The following CCDC82 variants were observed in gnomAD, a reference collection of about 807,000 sequenced individuals.
CCDC82 encodes the protein coiled-coil domain-containing protein 82.
Under a neutral mutation model 60.6 loss-of-function variants are expected in CCDC82, and 47 were observed. That is an observed-to-expected ratio of 0.77 (90% CI 0.61 to 0.99). The LOEUF (loss-of-function observed/expected upper bound fraction) is 0.99, where lower values mean the gene tolerates loss of function less well. CCDC82 is among the 50% of genes least tolerant of loss of function. CCDC82 has a pLI of 0.00. For synonymous variants in CCDC82, 212 were observed against 207.4 expected (o/e 1.02, Z -0.19); for missense variants, 588 against 633.0 (o/e 0.93, Z 0.76).
chr11:96,372,144 T>C (rs1049516573), intron 6 of CCDC82, among the ~76,000 whole-genome samples: 8 of 152,226 alleles, frequency 5.3e-5, no homozygotes, highest in African/African-American at 1.9e-4. Context: ...ACACCAAACT[T>C]ACTCTTTCCT....
In CCDC82 at chr11:96,383,984, C is replaced by A. The variant is rs372213966; in HGVS notation, c.764G>T (p.Arg255Leu). Residue 255 changes from arginine (R) to leucine (L), a missense_variant, in exon 4 of 10, where the codon CGC (arginine) becomes CTC (leucine). By Grantham distance (102) the Arg-to-Leu change is moderately radical. Transcript: ENST00000646818. Reference protein sequence around the residue: ...ELSKQRSRQRRSSGRDFEDSE... With the variant: ...ELSKQRSRQRLSSGRDFEDSE... Reference sequence around the variant, plus strand: ...CACCTCAAAATCTCTACCACTACTGCGTCTCTGACGAGATCTTTGTTTTGA... The same window carrying A: ...CACCTCAAAATCTCTACCACTACTGAGTCTCTGACGAGATCTTTGTTTTGA... 3.7e-6 allele frequency: 6 copies of A among 1,612,060 alleles called. No homozygotes were observed. In the African/African-American group the frequency reaches 5.4e-5, roughly 14 times the overall value.
Position 96,358,559 on chromosome 11 carries a change from C to T in CCDC82, c.1566+434G>A, listed in dbSNP as rs192013945. On this transcript the variant is annotated intron_variant, in intron 9 of 9. Coordinates refer to ENST00000646818, the MANE Select transcript of CCDC82 (RefSeq NM_024725.4). ...ATGTGGGTGTATTAGAACTGGCAGC[C>T]GAGATCCTTTCCTCAGACTGGCACC... 5,586 of 1,235,174 alleles carry T rather than the reference C, an allele frequency of 4.5e-3. 24 individuals carry two copies. Among genetic ancestry groups the T allele is most frequent in the Non-Finnish European group, 4.6e-3 (4,592 of 990,958 alleles). The allele number at this position is 1,235,174 out of a possible 1,614,324, so 76.5% of individuals were successfully genotyped here.
chr11:96,358,340 G>A, intron 9 of CCDC82: 1 of 1,211,096 alleles, frequency 8.3e-7, no homozygotes, highest in Non-Finnish European at 1.0e-6. Flanking sequence ...GAGCAGACCA[G>A]AGCTTGTAAG....
Position 96,353,572 on chromosome 11 carries a change from C to T in CCDC82, c.*74G>A, listed in dbSNP as rs114844139. ...ATAGATAAAATGTACAAACATGTCACATGATACAGAAAAACAAGAATCATG... is the reference window on the plus strand; with the variant it reads ...ATAGATAAAATGTACAAACATGTCATATGATACAGAAAAACAAGAATCATG... On this transcript the variant is annotated 3_prime_UTR_variant, in exon 10 of 10. Coordinates refer to ENST00000646818, the MANE Select transcript of CCDC82 (RefSeq NM_024725.4). 1.0e-3 allele frequency: 1,131 copies of T among 1,113,946 alleles called. 7 individuals carry two copies. The African/African-American group carries it at 0.016, about 16-fold the overall frequency. The allele number at this position is 1,113,946 out of a possible 1,614,324, so 69.0% of individuals were successfully genotyped here.
At chr11:96,381,039 T>C (rs1181524845) in intron 5 of CCDC82, 1 of 151,694 alleles carries the variant, frequency 6.6e-6, no homozygotes, top group South Asian at 2.1e-4. Flanking sequence ...GGAAACTGTG[T>C]ACGTGAGGAA....
intron 7 of CCDC82, among the ~76,000 whole-genome samples, chr11:96,368,003 T>C (rs1283123648): frequency 6.6e-6 from 1 of 151,988 alleles, no homozygotes; most frequent in Non-Finnish European, 1.5e-5. Flanking sequence ...GTATGTTTAG[T>C]AGATACGGGG....
intron 5 of CCDC82, chr11:96,381,183 T>C (rs1284342864): frequency 6.6e-6 from 1 of 151,550 alleles, no homozygotes; most frequent in Non-Finnish European, 1.5e-5. Flanking sequence ...TTGGCAGGAG[T>C]TGATATGAGT....
chr11:96,379,466 A>G (rs565950381), intron 5 of CCDC82, among the ~76,000 whole-genome samples: 13 of 147,516 alleles, frequency 8.8e-5, no homozygotes, highest in African/African-American at 3.5e-4. Context: ...ATAGGAACTT[A>G]ACAATGAGTT....
At position 96,384,150 on chromosome 11, in the gene CCDC82, T is replaced by G. The variant is rs781564254; in HGVS notation, c.598A>C (p.Ile200Leu). 6.2e-7 allele frequency: 1 copy of G among 1,613,876 alleles called. No homozygotes were observed. The highest frequency in any genetic ancestry group is 8.5e-7 in the Non-Finnish European group (1 of 1,179,824). Reference protein sequence around the residue: ...CDSDESDDSDILVRKVGVKRP... With the variant: ...CDSDESDDSDLLVRKVGVKRP... ...TTAACACCTACTTTTCTAACTAGGA[T>G]ATCGCTGTCATCACTCTCATCACTG... The change falls in exon 4 of 10, where the codon ATC becomes CTC. Residue 200 changes from isoleucine (I) to leucine (L), a missense_variant. Coordinates refer to ENST00000646818, the MANE Select transcript of CCDC82 (RefSeq NM_024725.4).
chr11:96,358,765 G>A (rs765840025), intron 9 of CCDC82: 243 of 906,120 alleles, frequency 2.7e-4, no homozygotes, highest in Non-Finnish European at 3.6e-4. Context: ...CAGTGTTAAT[G>A]CTTATTAAAA....
Position 96,383,766 on chromosome 11 carries a change from A to C in CCDC82, c.786+196T>G, listed in dbSNP as rs1359650002. 3.9e-5 allele frequency among the ~76,000 whole-genome samples: 6 copies of C among 152,154 alleles called. No individual in the cohort carries two copies. The South Asian group carries it at 1.2e-3, about 32-fold the overall frequency. On this transcript the variant is annotated intron_variant, in intron 4 of 9. Transcript: ENST00000646818. ...AACAAATAGTCTTTCAATTTTAAAA[A>C]AGGATGGACTGAGGCTCATGATAAA...
intron 4 of CCDC82, 72 bp downstream of exon 4, chr11:96,383,890 T>A (rs1866020208): frequency 2.1e-6 from 3 of 1,403,058 alleles, no homozygotes; most frequent in South Asian, 1.4e-5. Flanking sequence ...GACTCAGCAC[T>A]TTTTTATAAA....
Position 96,384,145 on chromosome 11 carries a change from T to C in CCDC82, c.603A>G (p.Leu201=), listed in dbSNP as rs755446331. 1 of 1,613,698 alleles carries C rather than the reference T, an allele frequency of 6.2e-7. No homozygotes were observed. Among genetic ancestry groups the C allele is most frequent in the African/African-American group, 1.3e-5 (1 of 75,022 alleles). Residue 201 remains leucine, a synonymous_variant, in exon 4 of 10, where the codon CTA becomes CTG. Transcript: ENST00000646818. ...GACGTTTAACACCTACTTTTCTAACTAGGATATCGCTGTCATCACTCTCAT... is the reference window on the plus strand; with the variant it reads ...GACGTTTAACACCTACTTTTCTAACCAGGATATCGCTGTCATCACTCTCAT... ...DSDESDDSDI[L]VRKVGVKRPR...
intron 9 of CCDC82, chr11:96,357,307 T>C: frequency 1.0e-6 from 1 of 985,298 alleles, no homozygotes; most frequent in African/African-American, 1.7e-5. Context: ...AAAATGAAGG[T>C]CTTTGGTATT....
intron 5 of CCDC82, among the ~76,000 whole-genome samples, chr11:96,378,958 C>T (rs1180394071): frequency 6.6e-6 from 1 of 151,974 alleles, no homozygotes; most frequent in Non-Finnish European, 1.5e-5. Context: ...TACAAAATGT[C>T]TTCCTATAGG....
chr11:96,358,960 C>T, intron 9 of CCDC82, 33 bp downstream of exon 9: 9 of 1,535,212 alleles, frequency 5.9e-6, no homozygotes, highest in East Asian at 2.3e-5. Context: ...CCTTCAGAAT[C>T]TACATGATAA....
At chr11:96,357,622 T>C (rs866465676) in intron 9 of CCDC82, 2 of 976,022 alleles carry the variant, frequency 2.0e-6, no homozygotes, top group Non-Finnish European at 2.4e-6. Flanking sequence ...GATACTATTA[T>C]ATAACATATA....
chr11:96,386,734 A>C (rs1232754397), intron 2 of CCDC82: 1 of 152,220 alleles, frequency 6.6e-6, no homozygotes, highest in Non-Finnish European at 1.5e-5. Flanking sequence ...GCATTGTAAT[A>C]GCAATCTAAC....
At position 96,353,532 on chromosome 11, in the gene CCDC82, T is replaced by G; in HGVS notation, c.*114A>C. 9 of 800,178 alleles carry G rather than the reference T, an allele frequency of 1.1e-5. No homozygotes were observed. The highest frequency in any genetic ancestry group is 1.9e-5 in the Non-Finnish European group (9 of 480,392). The allele number at this position is 800,178 out of a possible 1,614,324, so 49.6% of individuals were successfully genotyped here. On this transcript the variant is annotated 3_prime_UTR_variant, in exon 10 of 10. Transcript: ENST00000646818. ...AGATAATCATGTTTTAAACAAAATA[T>G]TTTGCCATGAAGATATAGATAAAAT...
Sources: gnomAD v4.1 joint callset for allele counts (sites outside exome capture counted in the v4.1 genomes callset) on GRCh38, gnomAD v4.1.1 for gene constraint, MANE v1.5 for transcripts, NCBI Gene and HGNC (gene_info 2026-07-23, HGNC 2026-07-21) for gene names.